NTRK1: variants seen among roughly 807,000 people sequenced by gnomAD.
NTRK1 encodes high affinity nerve growth factor receptor.
In NTRK1, 62 loss-of-function variants were observed where a neutral mutation model predicts 86.8. The observed-to-expected ratio is 0.71, with a 90% CI of 0.58 to 0.88. NTRK1 has a LOEUF of 0.88. Ranked by LOEUF, NTRK1 falls within the 40% of genes least tolerant of loss-of-function variation. The probability of loss-of-function intolerance (pLI) is 0.00; values close to 1 mark genes in which losing one functional copy is unlikely to be tolerated. For synonymous variants in NTRK1, 469 were observed against 456.6 expected (o/e 1.03, Z -0.35); for missense variants, 967 against 1,078.4 (o/e 0.90, Z 1.45).
At chr1:156,825,468 G>A (rs536950710) in intron 1 of NTRK1, among the ~76,000 whole-genome samples, 6 of 152,274 alleles carry the variant, frequency 3.9e-5, no homozygotes, top group African/African-American at 7.2e-5. Context: ...TAATATGCAC[G>A]GTGGATCATA....
At chr1:156,849,498 G>T in intron 2 of NTRK1, 1 of 1,320,908 alleles carries the variant, frequency 7.6e-7, no homozygotes, top group Non-Finnish European at 1.1e-6. Context: ...GCGGGGAGGT[G>T]GGGGCAGGGG....
intron 12 of NTRK1, 34 bp downstream of exon 12, chr1:156,875,700 AGTGTGTGTGTGTGTGTGT>A (rs56185968): frequency 1.4e-5 from 19 of 1,386,826 alleles, no homozygotes; most frequent in East Asian, 2.4e-5. Context: ...GGCAGGGACG[AGTGTGTGTGTGTGTGTGT>A]GTGTGTGTGT....
At chr1:156,845,401 C>T (rs2102858123) in intron 2 of NTRK1, 1 of 1,561,336 alleles carries the variant, frequency 6.4e-7, no homozygotes, top group Middle Eastern at 1.7e-4. Flanking sequence ...TGGACGTCAC[C>T]TTCCAAGGGG....
At chr1:156,880,307 C>A in intron 16 of NTRK1, 150 bp downstream of exon 16, 1 of 761,276 alleles carries the variant, frequency 1.3e-6, no homozygotes, top group East Asian at 2.7e-5. Flanking sequence ...TGTGTCCCCT[C>A]CACTGTGGCC....
At chr1:156,866,202 G>T (rs1042169838) in intron 3 of NTRK1, among the ~76,000 whole-genome samples, 5 of 152,222 alleles carry the variant, frequency 3.3e-5, no homozygotes, top group African/African-American at 1.2e-4. Flanking sequence ...TTCTAGGTTG[G>T]CTAGGAAAGA....
chr1:156,839,525 G>T (rs1358130384), intron 1 of NTRK1, among the ~76,000 whole-genome samples: 1 of 152,222 alleles, frequency 6.6e-6, no homozygotes, highest in Non-Finnish European at 1.5e-5. Context: ...TGCCTCAATG[G>T]TGTCTCTACA....
At chr1:156,816,947 T>C (rs1419067337) in intron 1 of NTRK1, 5 of 401,834 alleles carry the variant, frequency 1.2e-5, no homozygotes, top group African/African-American at 1.0e-4. Context: ...GGGGTATCTG[T>C]GTCACTCTGT....
chr1:156,852,246 C>T, intron 2 of NTRK1: 1 of 1,500,638 alleles, frequency 6.7e-7, no homozygotes, highest in Non-Finnish European at 9.0e-7. Flanking sequence ...TCCTGGCTGT[C>T]CTTCCAATGC....
chr1:156,842,523 G>C, intron 2 of NTRK1: 1 of 1,600,338 alleles, frequency 6.2e-7, no homozygotes, highest in Non-Finnish European at 8.6e-7. Flanking sequence ...GACAGACAAA[G>C]GGCCTAGCAG....
chr1:156,877,099 C>T (rs972744579), intron 14 of NTRK1, among the ~76,000 whole-genome samples: 2 of 152,192 alleles, frequency 1.3e-5, no homozygotes, highest in Non-Finnish European at 2.9e-5. Context: ...TAGCTCACTG[C>T]AGCCTCAAAT....
chr1:156,825,120 C>T (rs1391156282), intron 1 of NTRK1, among the ~76,000 whole-genome samples: 1 of 152,154 alleles, frequency 6.6e-6, no homozygotes, highest in Non-Finnish European at 1.5e-5. Context: ...AACTCCCGAC[C>T]TCAGGTGATC....
intron 1 of NTRK1, among the ~76,000 whole-genome samples, chr1:156,828,620 G>A (rs1164798050): frequency 6.6e-6 from 1 of 152,236 alleles, no homozygotes; most frequent in East Asian, 1.9e-4. Flanking sequence ...ACAGGCACCC[G>A]CGTGGACGAG....
intron 1 of NTRK1, chr1:156,841,383 AG>A: frequency 6.2e-7 from 1 of 1,612,620 alleles, no homozygotes; most frequent in African/African-American, 1.3e-5. Context: ...GGGGCAGGGG[AG>A]GTGACTCACA....
At chr1:156,816,584 C>A in intron 1 of NTRK1, 2 of 1,410,972 alleles carry the variant, frequency 1.4e-6, no homozygotes, top group South Asian at 1.3e-5. Context: ...GCCCCTCATC[C>A]CTGAAGTGGG....
chr1:156,874,537 C>T (rs1235336000), intron 9 of NTRK1, 34 bp from the exon 10 acceptor site: 2 of 1,612,568 alleles, frequency 1.2e-6, no homozygotes, highest in Non-Finnish European at 1.7e-6. Context: ...CAGTGTGTGT[C>T]AAGGCTCACC....
chr1:156,817,068 T>TCTCTCTCTCTCTCTCTCTCTCTCA (rs1345451083), intron 1 of NTRK1, among the ~76,000 whole-genome samples: 1 of 151,596 alleles, frequency 6.6e-6, no homozygotes, highest in African/African-American at 2.4e-5. Flanking sequence ...TCTCTCTCTC[T>TCTCTCTCTCTCTCTCTCTCTCTCA]CTCTCTCATC....
At chr1:156,824,618 G>A (rs1654274104) in intron 1 of NTRK1, among the ~76,000 whole-genome samples, 1 of 152,172 alleles carries the variant, frequency 6.6e-6, no homozygotes, top group Admixed American at 6.5e-5. Flanking sequence ...GGTGCCCATT[G>A]GTCAGGCACT....
At chr1:156,849,497 T>TGGGGGGTGGG in intron 2 of NTRK1, 1 of 243,944 alleles carries the variant, frequency 4.1e-6, no homozygotes, top group Non-Finnish European at 7.8e-6. Context: ...TGCGGGGAGG[T>TGGGGGGTGGG]GGGGGCAGGG....
chr1:156,853,535 C>T (rs1387997657), intron 2 of NTRK1, among the ~76,000 whole-genome samples: 1 of 152,232 alleles, frequency 6.6e-6, no homozygotes, highest in Non-Finnish European at 1.5e-5. Context: ...TTCACCTATT[C>T]CATGATGCCG....
Sources: gnomAD v4.1 joint callset for allele counts (sites outside exome capture counted in the v4.1 genomes callset) on GRCh38, gnomAD v4.1.1 for gene constraint, MANE v1.5 for transcripts, NCBI Gene and HGNC (gene_info 2026-07-23, HGNC 2026-07-21) for gene names.